Variants in CHD5 observed in about 807,000 individuals in gnomAD.
The protein encoded by CHD5 is chromodomain helicase DNA binding protein 5.
A neutral mutation model predicts 230.3 loss-of-function variants in CHD5; 69 were observed. The observed-to-expected ratio is 0.30, with a 90% CI of 0.25 to 0.37. CHD5 has a LOEUF of 0.37. Among genes scored for constraint, CHD5 ranks in the 10% least tolerant of loss-of-function variants. CHD5 has a pLI of 1.00. For synonymous variants in CHD5, 1,064 were observed against 1,065.9 expected (o/e 1.00, Z 0.03); for missense variants, 1,827 against 2,622.8 (o/e 0.70, Z 6.63).
rs1301378501 is a variant in CHD5 at position 6,121,660 on chromosome 1, G to C, written c.4700-87C>G. 1.1e-6 allele frequency: 1 copy of C among 935,844 alleles called. No individual in the cohort carries two copies. Among genetic ancestry groups the C allele is most frequent in the African/African-American group, 1.6e-5 (1 of 60,992 alleles). The allele number at this position is 935,844 out of a possible 1,614,324, so 58.0% of individuals were successfully genotyped here. A position where few individuals can be genotyped will look rare whatever the true frequency, so the allele number is the denominator to read the frequency against. ...AGTGGGGTGGCAGAGAGGAGAGATGGGGGCTTGGCCTTCGGGAGGCTCCAC... is the reference window on the plus strand; with the variant it reads ...AGTGGGGTGGCAGAGAGGAGAGATGCGGGCTTGGCCTTCGGGAGGCTCCAC... On this transcript the variant is annotated intron_variant, in intron 31 of 41. Transcript: ENST00000262450. The surrounding 1 kb of genome is among the most constrained non-coding windows in gnomAD (Gnocchi z 4.5).
intron 15 of CHD5, among the ~76,000 whole-genome samples, chr1:6,140,055 C>T (rs530463416): frequency 9.2e-5 from 14 of 152,350 alleles, no homozygotes; most frequent in African/African-American, 3.4e-4. Flanking sequence ...CTGACATCTT[C>T]TAGGGGCCAA....
intron 41 of CHD5, among the ~76,000 whole-genome samples, 195 bp downstream of exon 41, chr1:6,106,039 C>G (rs1460161610): frequency 6.6e-6 from 1 of 152,178 alleles, no homozygotes; most frequent in Non-Finnish European, 1.5e-5. Context: ...ACGCTGGCCA[C>G]AAGGTGGTCC....
chr1:6,154,557 C>T lies in CHD5; in HGVS notation c.745+103G>A, dbSNP rs1166248188. On this transcript the variant is annotated intron_variant, in intron 5 of 41. Coordinates refer to ENST00000262450, the MANE Select transcript of CHD5 (RefSeq NM_015557.3). The surrounding 1 kb of genome is among the most constrained non-coding windows in gnomAD (Gnocchi z 7.0). ...ACAGAGCCCTCCATTAGGAGCACCC[C>T]AGCTGCCCCTCCCTGCCCGCGTCTG... 7 of 1,067,542 alleles carry T rather than the reference C, an allele frequency of 6.6e-6. No individual in the cohort carries two copies. Among genetic ancestry groups the T allele is most frequent in the Non-Finnish European group, 6.6e-6 (5 of 756,336 alleles). 66.1% of individuals were successfully genotyped at this position (1,067,542 alleles called of 1,614,324 possible).
Position 6,126,842 on chromosome 1 carries a change from A to G in CHD5, c.3904-96T>C. 2.6e-6 allele frequency: 3 copies of G among 1,141,146 alleles called. No homozygotes were observed. The highest frequency in any genetic ancestry group is 3.8e-6 in the Non-Finnish European group (3 of 791,858). 70.7% of individuals were successfully genotyped at this position (1,141,146 alleles called of 1,614,324 possible). A position where few individuals can be genotyped will look rare whatever the true frequency, so the allele number is the denominator to read the frequency against. On this transcript the variant is annotated intron_variant, in intron 25 of 41. Coordinates refer to ENST00000262450, the MANE Select transcript of CHD5 (RefSeq NM_015557.3). This position sits in a 1 kb window ranked among gnomAD's most constrained non-coding sequence, Gnocchi z 5.7. ...CACCTGACCTGCCCTTTGCCCCCTC[A>G]GGGCTCAAGGATTAATGGGATGGCC...
intron 33 of CHD5, among the ~76,000 whole-genome samples, chr1:6,120,680 T>C (rs994780527): frequency 5.3e-5 from 8 of 152,004 alleles, no homozygotes; most frequent in African/African-American, 1.2e-4. Context: ...TATGCACCTA[T>C]AGTCCCAGCT....
chr1:6,124,523 CCTAA>C lies in CHD5; in HGVS notation c.4529_4532del (p.Val1510GlyfsTer19), dbSNP rs1557542559. 1 of 1,614,160 alleles carries C rather than the reference CCTAA, an allele frequency of 6.2e-7. No individual in the cohort carries two copies. The highest frequency in any genetic ancestry group is 8.5e-7 in the Non-Finnish European group (1 of 1,180,016). On this transcript the variant is annotated frameshift_variant, in exon 30 of 42. Coordinates refer to ENST00000262450, the MANE Select transcript of CHD5 (RefSeq NM_015557.3). LOFTEE classifies it high-confidence loss of function. ...CAGAGAGTTACTCACCCACCTTCTT[CCTAA>C]CTAGTGACATGACCCCGATGCGGGT...
chr1:6,102,190 GACAC>G lies in CHD5; in HGVS notation c.*3280_*3283del, dbSNP rs549692439. On this transcript the variant is annotated 3_prime_UTR_variant, in exon 42 of 42. Transcript: ENST00000262450. ...TCCAATCGCTGCTTGAGGAGTTCAGGACACACACACACACCCAACGGGCCCTTTC... is the reference window on the plus strand; with the variant it reads ...TCCAATCGCTGCTTGAGGAGTTCAGGACACACACACCCAACGGGCCCTTTC... 2 of 217,386 alleles carry G rather than the reference GACAC, an allele frequency of 9.2e-6. No individual in the cohort carries two copies. The highest frequency in any genetic ancestry group is 1.9e-5 in the Non-Finnish European group (2 of 103,974). The allele number at this position is 217,386 out of a possible 1,614,324, so 13.5% of individuals were successfully genotyped here.
intron 31 of CHD5, among the ~76,000 whole-genome samples, chr1:6,123,723 C>A (rs946438712): frequency 2.0e-5 from 3 of 152,112 alleles, no homozygotes; most frequent in Non-Finnish European, 2.9e-5. Flanking sequence ...GCCACCGCGC[C>A]CAGCCAGTTT....
At chr1:6,161,318 G>A (rs1468370763) in intron 2 of CHD5, among the ~76,000 whole-genome samples, 1 of 152,128 alleles carries the variant, frequency 6.6e-6, no homozygotes, top group South Asian at 2.1e-4. Context: ...AGTTCGTGGA[G>A]GGGGAGACGG....
chr1:6,125,101 T>C lies in CHD5; in HGVS notation c.4393A>G (p.Arg1465Gly), dbSNP rs777831280. 1 of 1,585,794 alleles carries C rather than the reference T, an allele frequency of 6.3e-7. No individual in the cohort carries two copies. The highest frequency in any genetic ancestry group is 1.2e-5 in the South Asian group (1 of 86,936). ...DLRGKSEKEF[R>G]AYVSLFMRHL... is the part of the protein sequence containing the mutation. ...TGGGCCACCACCTAGCCCCTTTACC[T>C]AAACTCCTTCTCGCTCTTCCCTCGA... Residue 1465 changes from arginine to glycine, a missense_variant and splice_region_variant, in exon 29 of 42, where the codon AGA becomes GGA. Transcript: ENST00000262450. This position sits in a 1 kb window ranked among gnomAD's most constrained non-coding sequence, Gnocchi z 6.7.
At chr1:6,150,945 GC>G in intron 7 of CHD5, 86 bp downstream of exon 7, 1 of 1,374,712 alleles carries the variant, frequency 7.3e-7, no homozygotes. Flanking sequence ...CACCCGGCAG[GC>G]CGAGAACCGT....
chr1:6,161,520 G>A (rs1667177215), intron 2 of CHD5, among the ~76,000 whole-genome samples: 1 of 152,212 alleles, frequency 6.6e-6, no homozygotes, highest in African/African-American at 2.4e-5. Flanking sequence ...CAGGCAGCAG[G>A]GCCTCTGTGC....
rs747662166 is a variant in CHD5, at chr1:6,126,754, C to T, written c.3904-8G>A. Reference sequence around the variant, plus strand: ...TTCCCGCTCCACCTCCTCCTGGGGACGCAGCACCACGGGTTCCATGGGTGG... The same window carrying T: ...TTCCCGCTCCACCTCCTCCTGGGGATGCAGCACCACGGGTTCCATGGGTGG... On this transcript the variant is annotated splice_region_variant and splice_polypyrimidine_tract_variant and intron_variant, in intron 25 of 41. Coordinates refer to ENST00000262450, the MANE Select transcript of CHD5 (RefSeq NM_015557.3). The surrounding 1 kb of genome is among the most constrained non-coding windows in gnomAD (Gnocchi z 5.7). 13 of 1,611,536 alleles carry T rather than the reference C, an allele frequency of 8.1e-6. No individual in the cohort carries two copies. The highest frequency in any genetic ancestry group is 4.5e-5 in the East Asian group (2 of 44,812).
intron 2 of CHD5, among the ~76,000 whole-genome samples, chr1:6,166,277 C>CGG (rs71579010): frequency 1.8e-4 from 25 of 140,202 alleles, no homozygotes; most frequent in Admixed American, 1.3e-3. Flanking sequence ...AGGTGGGGGT[C>CGG]GGGGGCAGGG....
At chr1:6,162,341 G>T (rs867122751) in intron 2 of CHD5, among the ~76,000 whole-genome samples, 1 of 151,422 alleles carries the variant, frequency 6.6e-6, no homozygotes, top group Non-Finnish European at 1.5e-5. Context: ...AGCCGAGATC[G>T]CACCATTGTA....
chr1:6,110,671 C>T (rs1666274603), intron 36 of CHD5, 145 bp from the exon 37 acceptor site: 8 of 796,044 alleles, frequency 1.0e-5, no homozygotes, highest in Admixed American at 2.5e-5. Context: ...CCCAGCTGCA[C>T]GAGGAACATA....
intron 31 of CHD5, among the ~76,000 whole-genome samples, chr1:6,122,800 T>C (rs1402563185): frequency 6.6e-6 from 1 of 152,194 alleles, no homozygotes; most frequent in Non-Finnish European, 1.5e-5. Context: ...CCAGGCGCGG[T>C]GGCTCACGCC....
chr1:6,173,740 C>A (rs113566941), intron 1 of CHD5, among the ~76,000 whole-genome samples: 2 of 152,188 alleles, frequency 1.3e-5, no homozygotes, highest in Admixed American at 1.3e-4. Flanking sequence ...CAGAGGGCAG[C>A]GGTCTCTAGT....
intron 3 of CHD5, among the ~76,000 whole-genome samples, chr1:6,156,315 T>C (rs1461791535): frequency 1.3e-5 from 2 of 151,982 alleles, no homozygotes; most frequent in Non-Finnish European, 2.9e-5. Flanking sequence ...GGCAGACAGA[T>C]CATTTGAGGT....
Sources: gnomAD v4.1 joint callset for allele counts (sites outside exome capture counted in the v4.1 genomes callset) on GRCh38, gnomAD v4.1.1 for gene constraint, Gnocchi (gnomAD v3.1) non-coding constraint, MANE v1.5 for transcripts, NCBI Gene and HGNC (gene_info 2026-07-23, HGNC 2026-07-21) for gene names.